SPRED2: variants seen among roughly 807,000 people sequenced by gnomAD.
SPRED2 encodes the protein sprouty related EVH1 domain containing 2.
SPRED2 carries 47 observed loss-of-function variants against 43.0 expected under a neutral mutation model. That is an observed-to-expected ratio of 1.09 (90% CI 0.87 to 1.40). The LOEUF (loss-of-function observed/expected upper bound fraction) is 1.40, where lower values mean the gene tolerates loss of function less well. Ranked by LOEUF, SPRED2 falls within the 40% of genes most tolerant of loss-of-function variation. The pLI, the probability that SPRED2 is intolerant of heterozygous loss-of-function variation, is 0.00. For missense variants in SPRED2, 561 were observed against 586.4 expected (o/e 0.96, Z 0.45); for synonymous variants, 225 against 225.7 (o/e 1.00, Z 0.03).
In SPRED2 at chr2:65,335,362, G is replaced by GATC. The variant is rs1673935257; in HGVS notation, c.205-592_205-590dup. Among the ~76,000 whole-genome samples the GATC allele has an allele frequency of 2.6e-5, 4 of 152,140 alleles. No homozygotes were observed. The East Asian group carries it at 7.7e-4, about 29-fold the overall frequency. On this transcript the variant is annotated intron_variant, in intron 2 of 5. Coordinates refer to ENST00000356388, the MANE Select transcript of SPRED2 (RefSeq NM_181784.3). Reference sequence around the variant, plus strand: ...ACCCCATTTCAGTTGCTGCCACCCTGATCTGGGTCTCTATTAACTTTATGT... The same window carrying GATC: ...ACCCCATTTCAGTTGCTGCCACCCTGATCATCTGGGTCTCTATTAACTTTATGT...
chr2:65,374,103 C>A (rs1256977449), intron 1 of SPRED2: 1 of 152,162 alleles, frequency 6.6e-6, no homozygotes, highest in Non-Finnish European at 1.5e-5. Flanking sequence ...AAATAACATT[C>A]CCGTTTTTCT....
intron 1 of SPRED2, among the ~76,000 whole-genome samples, chr2:65,418,271 C>A (rs1470350241): frequency 1.3e-5 from 2 of 152,112 alleles, no homozygotes; most frequent in African/African-American, 2.4e-5. Context: ...GCTTTGTCAG[C>A]CTGGCTGGTA....
intron 4 of SPRED2, among the ~76,000 whole-genome samples, chr2:65,327,450 C>A (rs1245376063): frequency 2.0e-5 from 3 of 152,138 alleles, no homozygotes. Flanking sequence ...TTATTTAGAT[C>A]CTTAGACATT....
chr2:65,412,479 T>C (rs146030169), intron 1 of SPRED2, among the ~76,000 whole-genome samples: 37 of 152,318 alleles, frequency 2.4e-4, no homozygotes, highest in South Asian at 2.3e-3. Flanking sequence ...CATTTCCTTG[T>C]TGCTAAAAGT....
intron 1 of SPRED2, among the ~76,000 whole-genome samples, chr2:65,396,567 G>A (rs1407600250): frequency 4.6e-5 from 7 of 152,250 alleles, no homozygotes; most frequent in African/African-American, 1.7e-4. Context: ...GCAAGAGGGA[G>A]TTCCAAGCTT....
At chr2:65,307,607 CATA>C (rs1022641283), downstream of SPRED2, among the ~76,000 whole-genome samples, 10 of 149,974 alleles carry the variant, frequency 6.7e-5, no homozygotes, top group African/African-American at 1.5e-4. Context: ...ATGATTATCA[CATA>C]ATAACTGTCT....
At chr2:65,394,619 C>A (rs919557211) in intron 1 of SPRED2, among the ~76,000 whole-genome samples, 4 of 152,094 alleles carry the variant, frequency 2.6e-5, no homozygotes, top group African/African-American at 9.7e-5. Context: ...TTACAAACAC[C>A]CATCAGGACA....
At chr2:65,424,877 C>T (rs1676521662) in intron 1 of SPRED2, among the ~76,000 whole-genome samples, 1 of 152,140 alleles carries the variant, frequency 6.6e-6, no homozygotes, top group South Asian at 2.1e-4. Context: ...ACTTGGAATA[C>T]TCCAGCCTGG....
intron 1 of SPRED2, chr2:65,377,873 C>CA: frequency 2.7e-6 from 1 of 366,674 alleles, no homozygotes. Context: ...CTAAGCTGTC[C>CA]ACGGAGCTGA....
At chr2:65,367,915 T>C (rs951517954) in intron 1 of SPRED2, among the ~76,000 whole-genome samples, 1 of 152,038 alleles carries the variant, frequency 6.6e-6, no homozygotes, top group African/African-American at 2.4e-5. Flanking sequence ...AAATTGGGTG[T>C]CTTAAACCAT....
At chr2:65,352,440 C>T (rs79001449) in intron 1 of SPRED2, among the ~76,000 whole-genome samples, 2,965 of 152,336 alleles carry the variant, frequency 0.019, 91 homozygotes, top group African/African-American at 0.068. Context: ...TGTACTTAAA[C>T]AGGGACTAAC....
chr2:65,322,294 A>ATTTTTTTTT (rs1178902612), intron 4 of SPRED2, among the ~76,000 whole-genome samples: 25 of 64,932 alleles, frequency 3.9e-4, no homozygotes, highest in African/African-American at 1.6e-3. Context: ...ATATATATAT[A>ATTTTTTTTT]TTTTTTTTTT....
chr2:65,337,540 G>A (rs562092276), intron 2 of SPRED2, among the ~76,000 whole-genome samples: 1 of 152,282 alleles, frequency 6.6e-6, no homozygotes, highest in South Asian at 2.1e-4. Flanking sequence ...CCCACTGTCA[G>A]TAGAGCGGGC....
At chr2:65,315,809 C>T (rs2104114258) in intron 5 of SPRED2, among the ~76,000 whole-genome samples, 1 of 152,330 alleles carries the variant, frequency 6.6e-6, no homozygotes, top group East Asian at 1.9e-4. Context: ...CAGGCGCCCG[C>T]CACCACACCC....
At chr2:65,416,192 G>A (rs1262169407) in intron 1 of SPRED2, among the ~76,000 whole-genome samples, 4 of 152,156 alleles carry the variant, frequency 2.6e-5, no homozygotes, top group African/African-American at 7.2e-5. Flanking sequence ...AGATTCAATC[G>A]GTCTACGGAT....
intron 2 of SPRED2, among the ~76,000 whole-genome samples, chr2:65,343,459 A>G (rs944093133): frequency 2.0e-5 from 3 of 152,214 alleles, no homozygotes; most frequent in Admixed American, 6.5e-5. Flanking sequence ...AAGTGCTTGC[A>G]AAAGAAGGTT....
At position 65,312,583 on chromosome 2, in the gene SPRED2, T is replaced by TA. The variant is rs1212651605; in HGVS notation, c.*917dup. On this transcript the variant is annotated 3_prime_UTR_variant, in exon 6 of 6. Coordinates refer to ENST00000356388, the MANE Select transcript of SPRED2 (RefSeq NM_181784.3). ...TTGCAAAACAACAAGCAAAATTTCT[T>TA]ACTTCACTAGTATCCTATTCTAATA... is the stretch of plus-strand genomic sequence containing the variant. The TA allele has an allele frequency of 1.0e-6, 1 of 985,756 alleles. No individual in the cohort carries two copies. The highest frequency in any genetic ancestry group is 1.7e-5 in the African/African-American group (1 of 57,378). 61.1% of individuals were successfully genotyped at this position (985,756 alleles called of 1,614,324 possible).
intron 1 of SPRED2, among the ~76,000 whole-genome samples, chr2:65,372,956 CAA>C (rs1364102917): frequency 1.3e-5 from 2 of 152,148 alleles, no homozygotes; most frequent in African/African-American, 4.8e-5. Context: ...ATGCTGGCCA[CAA>C]AAAACTTATC....
At chr2:65,354,939 C>A (rs1230674200) in intron 1 of SPRED2, among the ~76,000 whole-genome samples, 4 of 152,154 alleles carry the variant, frequency 2.6e-5, no homozygotes, top group Non-Finnish European at 5.9e-5. Context: ...TCTTCTTGTG[C>A]AAGTACCTCT....
Sources: gnomAD v4.1 joint callset for allele counts (sites outside exome capture counted in the v4.1 genomes callset) on GRCh38, gnomAD v4.1.1 for gene constraint, MANE v1.5 for transcripts, NCBI Gene and HGNC (gene_info 2026-07-23, HGNC 2026-07-21) for gene names.